Variants in ESYT3 observed in about 807,000 individuals in gnomAD.
The protein encoded by ESYT3 is extended synaptotagmin 3.
A neutral mutation model predicts 111.5 loss-of-function variants in ESYT3; 101 were observed. That is an observed-to-expected ratio of 0.91 (90% CI 0.77 to 1.07). The LOEUF is 1.07. Ranked by LOEUF, ESYT3 falls within the 50% of genes least tolerant of loss-of-function variation. ESYT3 has a pLI of 0.00. For missense variants in ESYT3, 1,097 were observed against 1,109.4 expected (o/e 0.99, Z 0.16); for synonymous variants, 416 against 446.8 (o/e 0.93, Z 0.87).
At chr3:138,452,005 G>T (rs765518590) in intron 1 of ESYT3, 43 bp from the exon 2 acceptor site, 20 of 1,610,820 alleles carry the variant, frequency 1.2e-5, no homozygotes, top group Non-Finnish European at 1.7e-5. Context: ...CCCAGCGGGT[G>T]TGCGGCTTCT....
At position 138,460,002 on chromosome 3, in the gene ESYT3, G is replaced by A. The variant is rs866981946; in HGVS notation, c.706G>A (p.Gly236Arg). Residue 236 changes from glycine (G) to arginine (R), a missense_variant, in exon 6 of 23, where the codon GGA (glycine) becomes AGA (arginine). Gly to Arg is a moderately radical substitution (Grantham distance 125). Transcript: ENST00000389567. ...EPLLVDKPFV[G>R]AVTVFFLQKP... ...CCTCCTAGTGGACAAGCCCTTTGTG[G>A]GAGCCGTGACTGTGTTCTTCCTTCA... 1 of 1,614,154 alleles carries A rather than the reference G, an allele frequency of 6.2e-7. No individual in the cohort carries two copies. The highest frequency in any genetic ancestry group is 8.5e-7 in the Non-Finnish European group (1 of 1,180,014).
intron 3 of ESYT3, among the ~76,000 whole-genome samples, chr3:138,455,840 G>A (rs1203547399): frequency 1.3e-5 from 2 of 152,238 alleles, no homozygotes; most frequent in African/African-American, 4.8e-5. Context: ...GGCCAATGAA[G>A]TTTGTGTCAG....
At chr3:138,460,247 C>A (rs2032547776) in intron 6 of ESYT3, among the ~76,000 whole-genome samples, 2 of 152,202 alleles carry the variant, frequency 1.3e-5, no homozygotes, top group South Asian at 2.1e-4. Context: ...GAGAAGGTCA[C>A]ACAGATGGTC....
intron 7 of ESYT3, among the ~76,000 whole-genome samples, chr3:138,461,548 C>T (rs368675374): frequency 1.3e-5 from 2 of 152,234 alleles, no homozygotes; most frequent in African/African-American, 2.4e-5. Flanking sequence ...ATCTCACCCA[C>T]ACTGGACAAA....
At chr3:138,459,276 G>A (rs371677867) in intron 5 of ESYT3, 23 bp downstream of exon 5, 23 of 1,524,732 alleles carry the variant, frequency 1.5e-5, no homozygotes, top group Non-Finnish European at 1.6e-5. Flanking sequence ...CGGTGGGGCT[G>A]CCTCTGTTCC....
At chr3:138,472,254 G>A in intron 17 of ESYT3, 109 bp from the exon 18 acceptor site, 1 of 1,413,096 alleles carries the variant, frequency 7.1e-7, no homozygotes, top group Non-Finnish European at 9.6e-7. Flanking sequence ...AGTTCCCTAG[G>A]AAGGGTCTTT....
intron 1 of ESYT3, 53 bp from the exon 2 acceptor site, chr3:138,451,995 C>T: frequency 6.2e-7 from 1 of 1,602,644 alleles, no homozygotes; most frequent in Non-Finnish European, 8.5e-7. Context: ...TTGCTTGGTT[C>T]CCAGCGGGTG....
intron 10 of ESYT3, among the ~76,000 whole-genome samples, chr3:138,465,860 C>CTT (rs1178595550): frequency 6.6e-6 from 1 of 152,128 alleles, no homozygotes; most frequent in Non-Finnish European, 1.5e-5. Context: ...AAATTTAAAA[C>CTT]TTACATGTAT....
At position 138,479,839 on chromosome 3, in the gene ESYT3, C is replaced by A. The variant is rs1190355269; in HGVS notation, c.*2985C>A. Reference sequence around the variant, plus strand: ...CTCCCTTACCCCTGGGGGTAAGGATCTGCATCCTGAAGTTGATATTCTGTA... The same window carrying A: ...CTCCCTTACCCCTGGGGGTAAGGATATGCATCCTGAAGTTGATATTCTGTA... On this transcript the variant is annotated 3_prime_UTR_variant, in exon 23 of 23. Transcript: ENST00000389567. 6.6e-6 allele frequency: 1 copy of A among 152,188 alleles called. No homozygotes were observed. The highest frequency in any genetic ancestry group is 1.5e-5 in the Non-Finnish European group (1 of 68,034). The allele number at this position is 152,188 out of a possible 1,614,324, so 9.4% of individuals were successfully genotyped here.
chr3:138,480,380 C>A (rs954768643), downstream of ESYT3: 8 of 143,692 alleles, frequency 5.6e-5, no homozygotes, highest in Non-Finnish European at 1.2e-4. Flanking sequence ...ATTGCCACTT[C>A]TGTTCAACAA....
chr3:138,476,640 T>C, intron 22 of ESYT3, 148 bp downstream of exon 22: 2 of 1,040,576 alleles, frequency 1.9e-6, no homozygotes, highest in South Asian at 1.4e-5. Context: ...ATCTCACTGA[T>C]ACCCTAAAAG....
intron 16 of ESYT3, chr3:138,470,638 C>T: frequency 5.5e-6 from 7 of 1,282,148 alleles, no homozygotes; most frequent in Non-Finnish European, 6.9e-6. Flanking sequence ...TGGCTCTGGG[C>T]ATTTGACAGA....
chr3:138,441,065 T>C (rs1266372196), intron 1 of ESYT3, among the ~76,000 whole-genome samples: 3 of 152,128 alleles, frequency 2.0e-5, no homozygotes, highest in African/African-American at 7.2e-5. Flanking sequence ...TGGCTGGAAG[T>C]GGCCCAGGAA....
chr3:138,459,840 G>C (rs2032521111), intron 5 of ESYT3, 105 bp from the exon 6 acceptor site: 3 of 952,004 alleles, frequency 3.2e-6, no homozygotes. Flanking sequence ...TGACATGTGG[G>C]GCAGCGTGGG....
intron 1 of ESYT3, among the ~76,000 whole-genome samples, chr3:138,451,829 T>G (rs2108604237): frequency 6.7e-6 from 1 of 149,504 alleles, no homozygotes; most frequent in Admixed American, 6.6e-5. Context: ...CCTGCTCCAC[T>G]GGATAGTGCG....
At chr3:138,461,280 A>C (rs867080319) in intron 7 of ESYT3, among the ~76,000 whole-genome samples, 9 of 152,196 alleles carry the variant, frequency 5.9e-5, no homozygotes, top group Admixed American at 1.3e-4. Context: ...CGTGGTCACA[A>C]ACATAGGCAT....
intron 7 of ESYT3, among the ~76,000 whole-genome samples, 181 bp from the exon 8 acceptor site, chr3:138,461,905 T>C (rs1449513279): frequency 6.6e-6 from 1 of 151,990 alleles, no homozygotes; most frequent in Non-Finnish European, 1.5e-5. Flanking sequence ...AGATAGAATG[T>C]CAGGGGCTGT....
At chr3:138,454,310 G>A (rs1380047756) in intron 2 of ESYT3, among the ~76,000 whole-genome samples, 1 of 151,970 alleles carries the variant, frequency 6.6e-6, no homozygotes, top group African/African-American at 2.4e-5. Context: ...GGCCAAGGCG[G>A]ACAGATCACT....
intron 10 of ESYT3, among the ~76,000 whole-genome samples, chr3:138,466,004 C>CA (rs1338970312): frequency 6.6e-6 from 1 of 152,182 alleles, no homozygotes; most frequent in Non-Finnish European, 1.5e-5. Flanking sequence ...CCTCAGAGAA[C>CA]ACTGGCTGAA....
Sources: gnomAD v4.1 joint callset for allele counts (sites outside exome capture counted in the v4.1 genomes callset) on GRCh38, gnomAD v4.1.1 for gene constraint, MANE v1.5 for transcripts, NCBI Gene and HGNC (gene_info 2026-07-23, HGNC 2026-07-21) for gene names.